FLCN: variants seen among roughly 807,000 people sequenced by gnomAD.
The protein encoded by FLCN is folliculin, also known as BHD skin lesion fibrofolliculoma protein.
Under a neutral mutation model 62.5 loss-of-function variants are expected in FLCN, and 22 were observed. The observed-to-expected ratio is 0.35, with a 90% CI of 0.25 to 0.50. The LOEUF (loss-of-function observed/expected upper bound fraction) is 0.50. Ranked by LOEUF, FLCN falls within the 20% of genes least tolerant of loss-of-function variation. The probability of loss-of-function intolerance (pLI) is 0.97; values close to 1 mark genes in which losing one functional copy is unlikely to be tolerated. For missense variants in FLCN, 657 were observed against 778.0 expected (o/e 0.84, Z 1.85); for synonymous variants, 319 against 310.0 (o/e 1.03, Z -0.30).
rs2047305145 is a variant in FLCN, at chr17:17,227,947, G to A, written c.191C>T (p.Ala64Val). Residue 64 changes from alanine to valine, a missense_variant, in exon 4 of 14, where the codon GCA becomes GTA. Transcript: ENST00000285071. ...GCTGGACTCGACGCTGGCCCCCTCT[G>A]CGGGGCTGTGCGCACGCATCCGACT... ...MNSRMRAHSP[A>V]EGASVESSSP... 1 of 1,614,028 alleles carries A rather than the reference G, an allele frequency of 6.2e-7. No homozygotes were observed. The highest frequency in any genetic ancestry group is 8.5e-7 in the Non-Finnish European group (1 of 1,180,050).
chr17:17,226,496 C>A (rs1383318072), intron 4 of FLCN, among the ~76,000 whole-genome samples, 174 bp from the exon 5 acceptor site: 1 of 152,184 alleles, frequency 6.6e-6, no homozygotes, highest in East Asian at 1.9e-4. Context: ...GAAAACAGAA[C>A]ACAGAGATCG....
intron 13 of FLCN, 68 bp from the exon 14 acceptor site, chr17:17,213,924 A>G: frequency 6.5e-7 from 1 of 1,546,698 alleles, no homozygotes; most frequent in South Asian, 1.1e-5. Context: ...TCACGGGGCC[A>G]ACCAGGGGTG....
intron 5 of FLCN, 74 bp downstream of exon 5, chr17:17,226,102 G>A (rs2047238625): frequency 6.2e-7 from 1 of 1,601,106 alleles, no homozygotes; most frequent in Non-Finnish European, 8.5e-7. Context: ...TGCAATGCTG[G>A]CTCCGAGCCC....
chr17:17,221,242 C>T lies in FLCN; in HGVS notation c.871+295G>A, dbSNP rs566978006. On this transcript the variant is annotated intron_variant, in intron 8 of 13. Coordinates refer to ENST00000285071, the MANE Select transcript of FLCN (RefSeq NM_144997.7). ...GCCAAGCACTTGGCTATCACAAAAT[C>T]GGGACGAGAAGCCTTTAATCAGCCA... The T allele has an allele frequency of 2.9e-5, 45 of 1,536,286 alleles. No homozygotes were observed. In the East Asian group the frequency reaches 5.6e-4, roughly 19 times the overall value.
chr17:17,236,308 G>A (rs2047579718), intron 1 of FLCN, among the ~76,000 whole-genome samples: 1 of 152,212 alleles, frequency 6.6e-6, no homozygotes, highest in South Asian at 2.1e-4. Context: ...TAGGACACTA[G>A]AAGGGCAAAC....
intron 1 of FLCN, among the ~76,000 whole-genome samples, chr17:17,233,716 C>CTTTTTTT (rs34208211): frequency 9.4e-5 from 6 of 63,956 alleles, no homozygotes; most frequent in East Asian, 5.7e-4. Context: ...CCCATCTTTC[C>CTTTTTTT]TTTTTTTTTT....
intron 6 of FLCN, 75 bp from the exon 7 acceptor site, chr17:17,222,736 C>T (rs2047134240): frequency 1.3e-6 from 2 of 1,583,136 alleles, no homozygotes; most frequent in Admixed American, 3.4e-5. Flanking sequence ...CGTTCACAGC[C>T]AACTCCAGGA....
At chr17:17,223,831 G>A (rs2047165852) in intron 6 of FLCN, 91 bp downstream of exon 6, 11 of 1,306,368 alleles carry the variant, frequency 8.4e-6, no homozygotes, top group South Asian at 1.2e-5. Context: ...AGGGGAAGAC[G>A]CCACGCGGTC....
At chr17:17,228,430 C>T (rs2145055457) in intron 3 of FLCN, 1 of 450,902 alleles carries the variant, frequency 2.2e-6, no homozygotes, top group East Asian at 3.9e-5. Context: ...AGAGCCACAG[C>T]CACAAAGCCA....
intron 1 of FLCN, among the ~76,000 whole-genome samples, chr17:17,235,150 C>T (rs981425954): frequency 6.9e-6 from 1 of 145,280 alleles, no homozygotes; most frequent in Admixed American, 6.9e-5. Flanking sequence ...GGTGGTGGTG[C>T]ATGCCTGTAA....
chr17:17,212,475 T>TG lies in FLCN; in HGVS notation c.*1179_*1180insC, dbSNP rs886052655. On this transcript the variant is annotated 3_prime_UTR_variant, in exon 14 of 14. Transcript: ENST00000285071. ...ACGACATAGCAAGATGCCATCTCTTTAAAAAAAAAAAAAAAAAAAAAAAAA... is the reference window on the plus strand; with the variant it reads ...ACGACATAGCAAGATGCCATCTCTTTGAAAAAAAAAAAAAAAAAAAAAAAAA... 2.9e-4 allele frequency: 22 copies of TG among 76,002 alleles called. No individual in the cohort carries two copies. Among genetic ancestry groups the TG allele is most frequent in the African/African-American group, 1.2e-3 (21 of 18,054 alleles). 4.7% of individuals were successfully genotyped at this position (76,002 alleles called of 1,614,324 possible).
intron 8 of FLCN, chr17:17,221,288 A>G: frequency 6.5e-7 from 1 of 1,548,700 alleles, no homozygotes; most frequent in Non-Finnish European, 8.7e-7. Flanking sequence ...CAGACAGCCC[A>G]CCTGTGAATT....
intron 9 of FLCN, among the ~76,000 whole-genome samples, chr17:17,218,189 C>T (rs899346086): frequency 9.9e-5 from 15 of 152,198 alleles, no homozygotes; most frequent in African/African-American, 3.4e-4. Context: ...CTCCCGGCAT[C>T]TGACTCGATG....
At chr17:17,235,245 A>G (rs747437231) in intron 1 of FLCN, among the ~76,000 whole-genome samples, 7 of 151,962 alleles carry the variant, frequency 4.6e-5, no homozygotes, top group Non-Finnish European at 1.0e-4. Context: ...GCACCATTGC[A>G]CTCCAGCCTG....
intron 6 of FLCN, among the ~76,000 whole-genome samples, chr17:17,223,412 T>C (rs1249098867): frequency 1.6e-5 from 2 of 123,006 alleles, no homozygotes; most frequent in African/African-American, 5.4e-5. Flanking sequence ...CATTTTCATA[T>C]GGCTGCCGCT....
chr17:17,229,674 T>G (rs773454653), intron 3 of FLCN, among the ~76,000 whole-genome samples: 1 of 152,228 alleles, frequency 6.6e-6, no homozygotes, highest in Non-Finnish European at 1.5e-5. Flanking sequence ...CATGTATTAT[T>G]TCACCACAAT....
At position 17,218,386 on chromosome 17, in the gene FLCN, C is replaced by CTTT. The variant is rs11464784; in HGVS notation, c.1062+630_1062+632dup. On this transcript the variant is annotated intron_variant, in intron 9 of 13. Coordinates refer to ENST00000285071, the MANE Select transcript of FLCN (RefSeq NM_144997.7). Reference sequence around the variant, plus strand: ...TTTTTGTAAGAATGACCATCACTTTCTTTTTTTTTTTTTTTTTGAGATGGA... The same window carrying CTTT: ...TTTTTGTAAGAATGACCATCACTTTCTTTTTTTTTTTTTTTTTTTTGAGATGGA... Among the ~76,000 whole-genome samples, 8 of 129,958 alleles carry CTTT rather than the reference C, an allele frequency of 6.2e-5. 1 individual carries two copies. The highest frequency in any genetic ancestry group is 3.7e-3 in the Middle Eastern group (1 of 268). 85.3% of individuals were successfully genotyped at this position (129,958 alleles called of 152,430 possible).
intron 13 of FLCN, among the ~76,000 whole-genome samples, chr17:17,214,295 CAAA>C (rs11333971): frequency 6.9e-6 from 1 of 145,528 alleles, no homozygotes; most frequent in African/African-American, 2.5e-5. Context: ...AATTTGCTTA[CAAA>C]AAAAAAAACC....
intron 9 of FLCN, among the ~76,000 whole-genome samples, chr17:17,218,269 A>G (rs990190575): frequency 6.6e-6 from 1 of 152,194 alleles, no homozygotes; most frequent in Non-Finnish European, 1.5e-5. Flanking sequence ...CACCCTGAAC[A>G]CACAGTGCCT....
Sources: gnomAD v4.1 joint callset for allele counts (sites outside exome capture counted in the v4.1 genomes callset) on GRCh38, gnomAD v4.1.1 for gene constraint, MANE v1.5 for transcripts, NCBI Gene and HGNC (gene_info 2026-07-23, HGNC 2026-07-21) for gene names.